TNFSF8: variants seen among roughly 807,000 people sequenced by gnomAD.
TNFSF8 encodes tumor necrosis factor ligand superfamily member 8.
TNFSF8 carries 4 observed loss-of-function variants against 22.0 expected under a neutral mutation model. The observed-to-expected ratio is 0.18, with a 90% CI of 0.09 to 0.42. The LOEUF is 0.42. TNFSF8 is among the 10% of genes least tolerant of loss of function. The probability of loss-of-function intolerance (pLI) is 1.00; values close to 1 mark genes in which losing one functional copy is unlikely to be tolerated. For missense variants in TNFSF8, 233 were observed against 281.8 expected (o/e 0.83, Z 1.24); for synonymous variants, 106 against 112.5 (o/e 0.94, Z 0.37).
rs1210251378 is a variant in TNFSF8 at position 114,903,611 on chromosome 9, C to T, written c.*320G>A. 1.2e-6 allele frequency: 1 copy of T among 856,274 alleles called. No homozygotes were observed. Among genetic ancestry groups the T allele is most frequent in the Non-Finnish European group, 1.4e-6 (1 of 701,212 alleles). 53.0% of individuals were successfully genotyped at this position (856,274 alleles called of 1,614,324 possible). A position where few individuals can be genotyped will look rare whatever the true frequency, so the allele number is the denominator to read the frequency against. Reference sequence around the variant, plus strand: ...GAGCCCCATTTTAACTGGAGGCTCTCAAAACAGAAGAAATAGATCAAGACC... The same window carrying T: ...GAGCCCCATTTTAACTGGAGGCTCTTAAAACAGAAGAAATAGATCAAGACC... On this transcript the variant is annotated 3_prime_UTR_variant, in exon 4 of 4. Coordinates refer to ENST00000223795, the MANE Select transcript of TNFSF8 (RefSeq NM_001244.4).
rs1488326084 is a variant in TNFSF8 at position 114,903,271 on chromosome 9, C to G, written c.*660G>C. On this transcript the variant is annotated 3_prime_UTR_variant, in exon 4 of 4. Transcript: ENST00000223795. ...TGTATTAAATTTGTGCTTTCCATCT[C>G]AGGAACAGGGGGCTGTCCCAGCCTG... 6.6e-6 allele frequency: 1 copy of G among 152,294 alleles called. No homozygotes were observed. The highest frequency in any genetic ancestry group is 1.5e-5 in the Non-Finnish European group (1 of 68,116). The allele number at this position is 152,294 out of a possible 1,614,324, so 9.4% of individuals were successfully genotyped here. A position where few individuals can be genotyped will look rare whatever the true frequency, so the allele number is the denominator to read the frequency against.
At position 114,903,286 on chromosome 9, in the gene TNFSF8, GT is replaced by G. The variant is rs1265670225; in HGVS notation, c.*644del. 1.3e-5 allele frequency: 2 copies of G among 152,284 alleles called. No homozygotes were observed. Among genetic ancestry groups the G allele is most frequent in the African/African-American group, 4.8e-5 (2 of 41,452 alleles). The allele number at this position is 152,284 out of a possible 1,614,324, so 9.4% of individuals were successfully genotyped here. On this transcript the variant is annotated 3_prime_UTR_variant, in exon 4 of 4. Coordinates refer to ENST00000223795, the MANE Select transcript of TNFSF8 (RefSeq NM_001244.4). Reference sequence around the variant, plus strand: ...CTTTCCATCTCAGGAACAGGGGGCTGTCCCAGCCTGGTTTTCCCTGGGGGTT... The same window carrying G: ...CTTTCCATCTCAGGAACAGGGGGCTGCCCAGCCTGGTTTTCCCTGGGGGTT...
At chr9:114,896,132 C>T (rs1031156604) in intron 4 of TNFSF8, among the ~76,000 whole-genome samples, 1 of 152,240 alleles carries the variant, frequency 6.6e-6, no homozygotes, top group African/African-American at 2.4e-5. Flanking sequence ...CAGCAATCTT[C>T]TCCACTTACC....
intron 1 of TNFSF8, among the ~76,000 whole-genome samples, chr9:114,922,269 G>A (rs1040867474): frequency 1.4e-4 from 22 of 152,128 alleles, no homozygotes; most frequent in African/African-American, 4.8e-4. Context: ...AAATGCCCCC[G>A]TGGACCAAAA....
chr9:114,918,821 G>A (rs1432019156), intron 1 of TNFSF8, among the ~76,000 whole-genome samples: 1 of 152,098 alleles, frequency 6.6e-6, no homozygotes, highest in African/African-American at 2.4e-5. Flanking sequence ...GGTTGGTCTC[G>A]AACTCCTGAC....
intron 3 of TNFSF8, among the ~76,000 whole-genome samples, chr9:114,905,275 C>G (rs950099308): frequency 4.6e-5 from 7 of 152,206 alleles, no homozygotes; most frequent in Non-Finnish European, 1.0e-4. Flanking sequence ...CTTTCTCACT[C>G]TGCAGTCTAA....
chr9:114,906,631 G>C (rs1289618720), intron 2 of TNFSF8, among the ~76,000 whole-genome samples: 1 of 152,144 alleles, frequency 6.6e-6, no homozygotes, highest in African/African-American at 2.4e-5. Flanking sequence ...GAGGACACAG[G>C]GTTAAAGAAA....
downstream of TNFSF8, among the ~76,000 whole-genome samples, chr9:114,896,317 T>C (rs1186908128): frequency 6.6e-6 from 1 of 152,200 alleles, no homozygotes; most frequent in East Asian, 1.9e-4. Context: ...TTTAAACCAC[T>C]GACTCTTAAT....
exon 5 of TNFSF8, chr9:114,894,128 G>T: frequency 6.5e-7 from 1 of 1,535,284 alleles, no homozygotes; most frequent in Non-Finnish European, 8.7e-7. Context: ...AGAGTCCAGG[G>T]TAGAGTGTGA....
At chr9:114,916,317 A>G (rs936728391) in intron 2 of TNFSF8, among the ~76,000 whole-genome samples, 2 of 152,154 alleles carry the variant, frequency 1.3e-5, no homozygotes, top group African/African-American at 4.8e-5. Context: ...TGAAAACTTT[A>G]TCAACTTTAT....
intron 3 of TNFSF8, among the ~76,000 whole-genome samples, chr9:114,905,092 C>T (rs1271424669): frequency 6.6e-6 from 1 of 152,224 alleles, no homozygotes; most frequent in Non-Finnish European, 1.5e-5. Flanking sequence ...AAAATTAGCA[C>T]TGACTGGTAA....
At position 114,902,880 on chromosome 9, in the gene TNFSF8, T is replaced by G. The variant is rs1827733800; in HGVS notation, c.*1051A>C. 2.0e-6 allele frequency: 1 copy of G among 498,404 alleles called. No individual in the cohort carries two copies. Among genetic ancestry groups the G allele is most frequent in the East Asian group, 1.5e-4 (1 of 6,628 alleles). 30.9% of individuals were successfully genotyped at this position (498,404 alleles called of 1,614,324 possible). A position where few individuals can be genotyped will look rare whatever the true frequency, so the allele number is the denominator to read the frequency against. On this transcript the variant is annotated 3_prime_UTR_variant, in exon 4 of 4. Coordinates refer to ENST00000223795, the MANE Select transcript of TNFSF8 (RefSeq NM_001244.4). ...ATTTTATGTTGCCTTGGCAACCATTTTGTATACAAGTTTAATTTCTCATAC... is the reference window on the plus strand; with the variant it reads ...ATTTTATGTTGCCTTGGCAACCATTGTGTATACAAGTTTAATTTCTCATAC...
chr9:114,920,740 C>T (rs939131440), intron 1 of TNFSF8, among the ~76,000 whole-genome samples: 1 of 152,174 alleles, frequency 6.6e-6, no homozygotes, highest in Non-Finnish European at 1.5e-5. Context: ...GCAATCTCGG[C>T]TCACTGTAGC....
At chr9:114,901,097 C>T (rs1827711213), downstream of TNFSF8, 1 of 985,126 alleles carries the variant, frequency 1.0e-6, no homozygotes, top group African/African-American at 1.7e-5. Flanking sequence ...AGGGAAGGAG[C>T]TCAAGTTGAG....
chr9:114,913,523 C>T (rs1475172370), intron 2 of TNFSF8, among the ~76,000 whole-genome samples: 2 of 152,074 alleles, frequency 1.3e-5, no homozygotes, highest in South Asian at 2.1e-4. Context: ...AGCTGGGGGC[C>T]GCAGGTGCCG....
intron 1 of TNFSF8, among the ~76,000 whole-genome samples, chr9:114,924,642 A>G (rs1828034324): frequency 6.6e-6 from 1 of 152,172 alleles, no homozygotes; most frequent in Non-Finnish European, 1.5e-5. Context: ...AGGTTTGAAC[A>G]TTTTCAAAAT....
chr9:114,906,276 A>C (rs1410516972), intron 2 of TNFSF8, among the ~76,000 whole-genome samples: 3 of 152,162 alleles, frequency 2.0e-5, no homozygotes, highest in Non-Finnish European at 4.4e-5. Flanking sequence ...GATGGGAAAA[A>C]AATCTGGGGG....
In TNFSF8 at chr9:114,901,260, G is replaced by A; in HGVS notation, c.*2671C>T. 1 of 985,348 alleles carries A rather than the reference G, an allele frequency of 1.0e-6. No individual in the cohort carries two copies. Among genetic ancestry groups the A allele is most frequent in the Non-Finnish European group, 1.2e-6 (1 of 829,910 alleles). The allele number at this position is 985,348 out of a possible 1,614,324, so 61.0% of individuals were successfully genotyped here. On this transcript the variant is annotated 3_prime_UTR_variant, in exon 4 of 4. Transcript: ENST00000223795. ...TAACCCTCAAGAGTAACAGAATTTA[G>A]TTTTAAACTTCCTGGGTTGCCTACT...
chr9:114,900,357 G>C (rs1291299443), downstream of TNFSF8, among the ~76,000 whole-genome samples: 1 of 152,200 alleles, frequency 6.6e-6, no homozygotes, highest in South Asian at 2.1e-4. Flanking sequence ...GATCTGCCAG[G>C]CTTGATGGAA....
Sources: allele counts gnomAD v4.1 joint callset (sites outside exome capture counted in the v4.1 genomes callset), GRCh38; gene constraint gnomAD v4.1.1; transcripts MANE v1.5; gene names NCBI Gene and HGNC (gene_info 2026-07-23, HGNC 2026-07-21).